Variants in TENM3 observed in about 807,000 individuals in gnomAD.
The protein encoded by TENM3 is teneurin-3.
TENM3 carries 63 observed loss-of-function variants against 255.1 expected under a neutral mutation model. The ratio of observed to expected loss-of-function variants is 0.25; its 90% confidence interval spans 0.20 to 0.30. TENM3 has a LOEUF of 0.30. TENM3 is among the 10% of genes least tolerant of loss of function. TENM3 has a pLI of 1.00. For synonymous variants in TENM3, 1,306 were observed against 1,322.3 expected, an observed-to-expected ratio of 0.99 and a Z score of 0.27; for missense variants, 2,929 against 3,461.1, an observed-to-expected ratio of 0.85 and a Z score of 3.86.
At chr4:182,467,376 T>G (rs914898965) in intron 3 of TENM3, among the ~76,000 whole-genome samples, 37 of 152,202 alleles carry the variant, frequency 2.4e-4, no homozygotes, top group Non-Finnish European at 7.3e-5. Flanking sequence ...GCTTTCAGTT[T>G]TAAGTGGCAA....
At chr4:182,024,091 G>C in the TENM3 span, among the ~76,000 whole-genome samples, 122,482 of 151,746 alleles carry the variant, frequency 0.81, 51,227 homozygotes, top group Non-Finnish European at 0.91. Context: ...AATATTGAAT[G>C]TAAAAATATA....
chr4:182,225,822 C>T (rs1756114238), intron 1 of TENM3, among the ~76,000 whole-genome samples: 1 of 152,122 alleles, frequency 6.6e-6, no homozygotes, highest in South Asian at 2.1e-4. Flanking sequence ...TGGGCCATGC[C>T]TGGAGTGAAG....
intron 6 of TENM3, among the ~76,000 whole-genome samples, chr4:182,662,600 C>T (rs903541193): frequency 6.6e-6 from 1 of 152,126 alleles, no homozygotes; most frequent in African/African-American, 2.4e-5. Context: ...GGCTCTAGGG[C>T]TTTATGGAGG....
chr4:182,502,807 G>A lies in TENM3; in HGVS notation c.512-98117G>A, dbSNP rs537678964. Among the ~76,000 whole-genome samples, 7 of 150,112 alleles carry A rather than the reference G, an allele frequency of 4.7e-5. No individual in the cohort carries two copies. The East Asian group carries it at 1.4e-3, about 30-fold the overall frequency. On this transcript the variant is annotated intron_variant, in intron 3 of 27. Coordinates refer to ENST00000511685, the MANE Select transcript of TENM3 (RefSeq NM_001080477.4). ...TCAGATGATCCTTGGTTATTCATGT[G>A]TATTAAATTGTGGGATGCTAAGGGT...
chr4:182,603,710 T>G (rs1339194123), intron 4 of TENM3, among the ~76,000 whole-genome samples: 1 of 150,492 alleles, frequency 6.6e-6, no homozygotes, highest in African/African-American at 2.4e-5. Context: ...TCCAGACTTG[T>G]GTCTGCCTTT....
At chr4:181,795,764 G>T in the TENM3 span, among the ~76,000 whole-genome samples, 22 of 152,350 alleles carry the variant, frequency 1.4e-4, no homozygotes, top group African/African-American at 5.3e-4. Context: ...TAAACCTGGA[G>T]AGGTAGCCAA....
intron 3 of TENM3, among the ~76,000 whole-genome samples, chr4:182,506,755 G>A (rs893461937): frequency 2.6e-5 from 4 of 152,168 alleles, no homozygotes; most frequent in African/African-American, 9.7e-5. Flanking sequence ...TAAGGAGTAT[G>A]GAGTAGGTGA....
the TENM3 span, among the ~76,000 whole-genome samples, chr4:181,888,525 T>TATATAC: frequency 1.4e-4 from 14 of 99,848 alleles, no homozygotes; most frequent in African/African-American, 7.0e-4. Context: ...TGTATATATA[T>TATATAC]ACATATATGT....
the TENM3 span, among the ~76,000 whole-genome samples, chr4:181,730,133 T>C: frequency 6.6e-6 from 1 of 152,140 alleles, no homozygotes; most frequent in East Asian, 1.9e-4. Flanking sequence ...GGGGGAAAGC[T>C]ATACACGCGT....
At chr4:182,652,403 A>G (rs569552323) in intron 5 of TENM3, among the ~76,000 whole-genome samples, 1 of 152,310 alleles carries the variant, frequency 6.6e-6, no homozygotes, top group East Asian at 1.9e-4. Context: ...TCCAGACTAA[A>G]TAAAATACCT....
chr4:181,945,798 A>G, the TENM3 span, among the ~76,000 whole-genome samples: 1 of 152,162 alleles, frequency 6.6e-6, no homozygotes, highest in African/African-American at 2.4e-5. Flanking sequence ...CTCTTTCCCA[A>G]AGGTAACGAG....
At chr4:181,516,368 TAAAAA>T in the TENM3 span, among the ~76,000 whole-genome samples, 1 of 141,280 alleles carries the variant, frequency 7.1e-6, no homozygotes, top group East Asian at 2.1e-4. Context: ...AAAAAATATT[TAAAAA>T]AAAAAAAAAG....
At chr4:181,501,783 A>G in the TENM3 span, among the ~76,000 whole-genome samples, 1 of 152,308 alleles carries the variant, frequency 6.6e-6, no homozygotes, top group East Asian at 1.9e-4. Flanking sequence ...AATTGATTGG[A>G]CAATCCAGTT....
chr4:182,362,112 T>A (rs1196159373), intron 3 of TENM3, among the ~76,000 whole-genome samples: 1 of 152,022 alleles, frequency 6.6e-6, no homozygotes, highest in Non-Finnish European at 1.5e-5. Flanking sequence ...CCGTTTGAGG[T>A]GTTAGTCTGC....
At chr4:182,509,717 C>G (rs1225743300) in intron 3 of TENM3, among the ~76,000 whole-genome samples, 2 of 152,088 alleles carry the variant, frequency 1.3e-5, no homozygotes, top group Non-Finnish European at 2.9e-5. Context: ...ACAGGCGGAT[C>G]ACCTGAAGTT....
the TENM3 span, among the ~76,000 whole-genome samples, chr4:181,938,218 C>G: frequency 6.6e-6 from 1 of 152,092 alleles, no homozygotes; most frequent in Admixed American, 6.6e-5. Flanking sequence ...TATCAGATGT[C>G]TTTATTATAT....
chr4:182,448,991 C>T (rs1464563946), intron 3 of TENM3: 21 of 399,900 alleles, frequency 5.3e-5, no homozygotes, highest in Non-Finnish European at 8.5e-5. Context: ...AGCCCGGAGC[C>T]AGGCGCTGTA....
the TENM3 span, among the ~76,000 whole-genome samples, chr4:181,965,051 A>C: frequency 1.3e-5 from 2 of 152,184 alleles, no homozygotes; most frequent in Middle Eastern, 6.3e-3. Context: ...GAAACTAAAA[A>C]ATCCTAAATT....
chr4:182,108,725 C>G, the TENM3 span, among the ~76,000 whole-genome samples: 15 of 152,188 alleles, frequency 9.9e-5, no homozygotes, highest in African/African-American at 3.6e-4. Flanking sequence ...GCCAAGAGAA[C>G]ATGCAATGTA....
Sources: gnomAD v4.1 joint callset for allele counts (sites outside exome capture counted in the v4.1 genomes callset) on GRCh38, gnomAD v4.1.1 for gene constraint, MANE v1.5 for transcripts, NCBI Gene and HGNC (gene_info 2026-07-23, HGNC 2026-07-21) for gene names.